The following CDH11 variants were observed in gnomAD, a reference collection of about 807,000 sequenced individuals.
The protein encoded by CDH11 is cadherin 11, also known as cadherin-11.
Under a neutral mutation model 67.8 loss-of-function variants are expected in CDH11, and 11 were observed. That is an observed-to-expected ratio of 0.16 (90% CI 0.10 to 0.27). The LOEUF is 0.27. Ranked by LOEUF, CDH11 falls within the 10% of genes least tolerant of loss-of-function variation. The pLI, the probability that CDH11 is intolerant of heterozygous loss-of-function variation, is 1.00. For missense variants in CDH11, 847 were observed against 1,031.2 expected (o/e 0.82, Z 2.45); for synonymous variants, 419 against 400.0 (o/e 1.05, Z -0.57).
intron 2 of CDH11, among the ~76,000 whole-genome samples, chr16:65,031,722 A>G (rs1055684647): frequency 2.0e-5 from 3 of 152,202 alleles, no homozygotes; most frequent in African/African-American, 7.2e-5. Context: ...ACACATGAAT[A>G]ATAAAGAAAT....
At chr16:64,965,029 C>A (rs2142407164) in intron 11 of CDH11, among the ~76,000 whole-genome samples, 1 of 151,726 alleles carries the variant, frequency 6.6e-6, no homozygotes, top group East Asian at 1.9e-4. Flanking sequence ...CATAAATCAA[C>A]CTTAATTTTT....
chr16:64,964,336 A>G (rs2071752952), intron 11 of CDH11, among the ~76,000 whole-genome samples: 1 of 152,186 alleles, frequency 6.6e-6, no homozygotes, highest in Non-Finnish European at 1.5e-5. Flanking sequence ...TGAATACTGT[A>G]GGCAATTATA....
intron 11 of CDH11, among the ~76,000 whole-genome samples, chr16:64,956,082 C>T (rs2071501908): frequency 6.6e-6 from 1 of 152,208 alleles, no homozygotes; most frequent in African/African-American, 2.4e-5. Context: ...TCCATAGAGA[C>T]TTCCTAGATC....
chr16:65,067,355 G>T (rs2074330007), intron 1 of CDH11, among the ~76,000 whole-genome samples: 1 of 152,180 alleles, frequency 6.6e-6, no homozygotes, highest in Non-Finnish European at 1.5e-5. Context: ...CACAATGTAA[G>T]TAGAGCACAC....
intron 2 of CDH11, among the ~76,000 whole-genome samples, chr16:65,021,504 T>C (rs1359028690): frequency 1.3e-5 from 2 of 151,220 alleles, no homozygotes; most frequent in Non-Finnish European, 2.9e-5. Context: ...TTTTCTTATT[T>C]CAGAGAAACA....
rs561193897 is a variant in CDH11, at chr16:65,001,492, T to G, written c.229-2636A>C. Reference sequence around the variant, plus strand: ...CTGGCAGAAGTTAAGGGCAAGGACATACGAATGAGGAACAAGAAAGTATAA... The same window carrying G: ...CTGGCAGAAGTTAAGGGCAAGGACAGACGAATGAGGAACAAGAAAGTATAA... On this transcript the variant is annotated intron_variant, in intron 3 of 12. Coordinates refer to ENST00000268603, the MANE Select transcript of CDH11 (RefSeq NM_001797.4). Among the ~76,000 whole-genome samples, 42 of 152,218 alleles carry G rather than the reference T, an allele frequency of 2.8e-4. 1 individual carries two copies. The highest frequency in any genetic ancestry group is 1.0e-3 in the African/African-American group (42 of 41,560).
intron 2 of CDH11, among the ~76,000 whole-genome samples, chr16:65,025,182 G>GA (rs1166332436): frequency 1.3e-5 from 2 of 152,160 alleles, no homozygotes; most frequent in Non-Finnish European, 2.9e-5. Flanking sequence ...AACAACAAAT[G>GA]ATGCCTGACC....
chr16:65,023,792 A>G (rs2073478451), intron 2 of CDH11, among the ~76,000 whole-genome samples: 2 of 152,178 alleles, frequency 1.3e-5, no homozygotes, highest in African/African-American at 2.4e-5. Context: ...TTAGCAAATA[A>G]TGAGCAGTGA....
chr16:65,121,999 G>A lies in CDH11; in HGVS notation c.-417C>T, dbSNP rs1265500898. 8 of 699,860 alleles carry A rather than the reference G, an allele frequency of 1.1e-5. No homozygotes were observed. The African/African-American group carries it at 1.4e-4, about 12-fold the overall frequency. The allele number at this position is 699,860 out of a possible 1,614,324, so 43.4% of individuals were successfully genotyped here. A position where few individuals can be genotyped will look rare whatever the true frequency, so the allele number is the denominator to read the frequency against. ...ATTCACAAGTCAGCGGCGGCTGCGA[G>A]CGGCCCCCGCGGCATCTGCTCCTCG... is the stretch of plus-strand genomic sequence containing the variant. On this transcript the variant is annotated 5_prime_UTR_variant, in exon 1 of 13. Coordinates refer to ENST00000268603, the MANE Select transcript of CDH11 (RefSeq NM_001797.4). This position sits in a 1 kb window ranked among gnomAD's most constrained non-coding sequence, Gnocchi z 4.1.
chr16:65,085,832 C>A (rs1293580096), intron 1 of CDH11, among the ~76,000 whole-genome samples: 1 of 152,188 alleles, frequency 6.6e-6, no homozygotes, highest in African/African-American at 2.4e-5. Flanking sequence ...TTGCCTCATG[C>A]AATGCTCAAA....
At chr16:65,019,784 A>T (rs1195875068) in intron 2 of CDH11, among the ~76,000 whole-genome samples, 2 of 152,092 alleles carry the variant, frequency 1.3e-5, no homozygotes, top group Admixed American at 1.3e-4. Context: ...CAATTTGCTC[A>T]CACACAGAAT....
intron 1 of CDH11, among the ~76,000 whole-genome samples, chr16:65,058,946 A>G (rs1362684126): frequency 2.6e-5 from 4 of 152,228 alleles, no homozygotes. Flanking sequence ...ATTGTGCATG[A>G]TTAAACATTT....
intron 7 of CDH11, chr16:64,986,296 C>T (rs976546089): frequency 3.3e-5 from 5 of 151,924 alleles, no homozygotes; most frequent in Non-Finnish European, 5.9e-5. Flanking sequence ...AGCATCAGTG[C>T]TTTATAGAAG....
At position 65,084,348 on chromosome 16, in the gene CDH11, T is replaced by C. The variant is rs1597173829; in HGVS notation, c.-297-30420A>G. 3.3e-5 allele frequency among the ~76,000 whole-genome samples: 5 copies of C among 151,856 alleles called. No individual in the cohort carries two copies. The South Asian group carries it at 1.0e-3, about 32-fold the overall frequency. On this transcript the variant is annotated intron_variant, in intron 1 of 12. Coordinates refer to ENST00000268603, the MANE Select transcript of CDH11 (RefSeq NM_001797.4). ...GTACATGCCTGTAGTCCTAGCTACT[T>C]GGGAGGCTGAGGTGGGAGGACTGCT...
In CDH11 at chr16:64,985,676, G is replaced by C. The variant is rs534027965; in HGVS notation, c.999+2481C>G. 3 of 151,172 alleles carry C rather than the reference G, an allele frequency of 2.0e-5. No homozygotes were observed. In the South Asian group the frequency reaches 6.3e-4, roughly 32 times the overall value. The allele number at this position is 151,172 out of a possible 1,614,324, so 9.4% of individuals were successfully genotyped here. Reference sequence around the variant, plus strand: ...CTCCCAGTTACTCCAGGGCTATTAGGCAATGTCTAGAGTAATTATTTTTAT... The same window carrying C: ...CTCCCAGTTACTCCAGGGCTATTAGCCAATGTCTAGAGTAATTATTTTTAT... On this transcript the variant is annotated intron_variant, in intron 7 of 12. Transcript: ENST00000268603.
chr16:65,077,760 GGTGGAAC>G (rs2074539141), intron 1 of CDH11, among the ~76,000 whole-genome samples: 1 of 152,118 alleles, frequency 6.6e-6, no homozygotes, highest in South Asian at 2.1e-4. Flanking sequence ...ACAAATATTT[GGTGGAAC>G]ATATAAAACA....
chr16:65,010,970 T>TGACA (rs1312239603), intron 2 of CDH11, among the ~76,000 whole-genome samples: 8 of 118,128 alleles, frequency 6.8e-5, no homozygotes, highest in Non-Finnish European at 1.3e-4. Flanking sequence ...TATATATGTG[T>TGACA]TTATATATAT....
chr16:64,992,432 T>C (rs1191648572), intron 5 of CDH11, among the ~76,000 whole-genome samples: 5 of 152,244 alleles, frequency 3.3e-5, no homozygotes, highest in Non-Finnish European at 7.3e-5. Flanking sequence ...ATATATACAA[T>C]GCTCATATAA....
intron 2 of CDH11, among the ~76,000 whole-genome samples, chr16:65,051,621 A>C (rs1035315607): frequency 1.3e-5 from 2 of 152,166 alleles, no homozygotes; most frequent in African/African-American, 4.8e-5. Flanking sequence ...CATGTGTGGA[A>C]GGAGGAACCT....
Sources: allele counts gnomAD v4.1 joint callset (sites outside exome capture counted in the v4.1 genomes callset), GRCh38; gene constraint gnomAD v4.1.1; non-coding constraint Gnocchi (gnomAD v3.1); transcripts MANE v1.5; gene names NCBI Gene and HGNC (gene_info 2026-07-23, HGNC 2026-07-21).